Variants in PIEZO1 observed in about 807,000 individuals in gnomAD.
PIEZO1 encodes piezo-type mechanosensitive ion channel component 1.
A neutral mutation model predicts 297.2 loss-of-function variants in PIEZO1; 296 were observed. That is an observed-to-expected ratio of 1.00 (90% CI 0.91 to 1.10). The LOEUF is 1.10. Among genes scored for constraint, PIEZO1 ranks in the 50% least tolerant of loss-of-function variants. The pLI, the probability that PIEZO1 is intolerant of heterozygous loss-of-function variation, is 0.00. For synonymous variants in PIEZO1, 2,427 were observed against 1,507.5 expected, an observed-to-expected ratio of 1.61 and a Z score of -14.13; for missense variants, 5,018 against 3,455.5, an observed-to-expected ratio of 1.45 and a Z score of -11.34.
At chr16:88,725,705 G>A in intron 27 of PIEZO1, 21 bp from the exon 28 acceptor site, 1 of 1,328,350 alleles carries the variant, frequency 7.5e-7, no homozygotes, top group Non-Finnish European at 1.1e-6. Flanking sequence ...GCGGGGATGG[G>A]GTGTGAGCAC....
rs1905330481 is a variant in PIEZO1, at chr16:88,737,706, C to A, written c.1107+22G>T. 2.0e-6 allele frequency: 3 copies of A among 1,534,756 alleles called. No individual in the cohort carries two copies. In the East Asian group the frequency reaches 7.3e-5, roughly 38 times the overall value. On this transcript the variant is annotated intron_variant, in intron 9 of 50. Transcript: ENST00000301015. ...GGCCGGGCGCCCCCCACGCTGGCGT[C>A]TCCACCTGCCTGGCTGCTCACCTGG...
In PIEZO1 at chr16:88,723,082, C is replaced by CGGGCCCA; in HGVS notation, c.4495+6_4495+12dup. On this transcript the variant is annotated intron_variant, in intron 33 of 50. Transcript: ENST00000301015. ...AGAGAGACCTCCCACTCCCCAGCCCCGGGCCCACGTACCTGCCGCTGCCTC... is the reference window on the plus strand; with the variant it reads ...AGAGAGACCTCCCACTCCCCAGCCCCGGGCCCAGGGCCCACGTACCTGCCGCTGCCTC... 2 of 1,546,996 alleles carry CGGGCCCA rather than the reference C, an allele frequency of 1.3e-6. No homozygotes were observed. The highest frequency in any genetic ancestry group is 1.7e-6 in the Non-Finnish European group (2 of 1,146,450).
At position 88,784,901 on chromosome 16, in the gene PIEZO1, C is replaced by A. The variant is rs769822489; in HGVS notation, c.64G>T (p.Ala22Ser). Reference protein sequence around the residue: ...WLLLPCALLAACLLRFSGLSL... With the variant: ...WLLLPCALLASCLLRFSGLSL... ...CCCCAGGCGCCCGCCCCCCACTCAC[C>A]AGCCAGCAGCGCGCAGGGCAGCAGC... The change falls in exon 1 of 51, where the codon GCC (alanine) becomes TCC (serine). Residue 22 changes from alanine to serine, a missense_variant and splice_region_variant. Coordinates refer to ENST00000301015, the MANE Select transcript of PIEZO1 (RefSeq NM_001142864.4). The A allele has an allele frequency of 6.9e-7, 1 of 1,439,304 alleles. No homozygotes were observed. Among genetic ancestry groups the A allele is most frequent in the South Asian group, 1.3e-5 (1 of 77,296 alleles). 89.2% of individuals were successfully genotyped at this position (1,439,304 alleles called of 1,614,324 possible).
In PIEZO1 at chr16:88,732,320, A is replaced by G. The variant is rs1315869998; in HGVS notation, c.2991+15T>C. ...CCAAGCCCTGCCCCAGGGGGAGGCA[A>G]TGTCCTTGCCTCACCTCCAGCCCGA... is the stretch of plus-strand genomic sequence containing the variant. On this transcript the variant is annotated intron_variant, in intron 21 of 50. Transcript: ENST00000301015. 17 of 1,545,464 alleles carry G rather than the reference A, an allele frequency of 1.1e-5. No homozygotes were observed. Among genetic ancestry groups the G allele is most frequent in the Non-Finnish European group, 1.5e-5 (17 of 1,143,072 alleles).
chr16:88,784,134 G>C (rs1262832932), intron 1 of PIEZO1, among the ~76,000 whole-genome samples: 1 of 152,228 alleles, frequency 6.6e-6, no homozygotes, highest in Non-Finnish European at 1.5e-5. Context: ...TTCGCGAAAG[G>C]GGCACCACTG....
intron 1 of PIEZO1, among the ~76,000 whole-genome samples, chr16:88,754,658 C>G (rs1412082056): frequency 6.6e-6 from 1 of 152,224 alleles, no homozygotes; most frequent in Non-Finnish European, 1.5e-5. Context: ...ATACATGCTC[C>G]CTCCAGGAGC....
At chr16:88,733,171 C>T in intron 19 of PIEZO1, 107 bp downstream of exon 19, 1 of 1,063,000 alleles carries the variant, frequency 9.4e-7, no homozygotes, top group South Asian at 1.6e-5. Context: ...AGTCCTCCAT[C>T]TCCATTGCTG....
At chr16:88,762,633 C>A (rs1000982585) in intron 1 of PIEZO1, among the ~76,000 whole-genome samples, 9 of 152,180 alleles carry the variant, frequency 5.9e-5, no homozygotes, top group Non-Finnish European at 1.2e-4. Context: ...GAAGGGGCAG[C>A]CTCTCGGGTC....
Position 88,726,038 on chromosome 16 carries a change from TG to T in PIEZO1, c.3968+245del, listed in dbSNP as rs577770231. 160 of 569,976 alleles carry T rather than the reference TG, an allele frequency of 2.8e-4. 2 individuals are homozygous for T. The highest frequency in any genetic ancestry group is 1.8e-3 in the South Asian group (81 of 44,844). The allele number at this position is 569,976 out of a possible 1,614,324, so 35.3% of individuals were successfully genotyped here. ...CTTAGCCCTTAGTGGGAAAGTTGGC[TG>T]GGGGTGAGACACCAGCCACCGTCAG... On this transcript the variant is annotated intron_variant, in intron 27 of 50. Coordinates refer to ENST00000301015, the MANE Select transcript of PIEZO1 (RefSeq NM_001142864.4).
chr16:88,769,137 G>A (rs2911463), intron 1 of PIEZO1, among the ~76,000 whole-genome samples: 110,545 of 152,176 alleles, frequency 0.73, 40,651 homozygotes, highest in African/African-American at 0.83. Flanking sequence ...GCATAATGAG[G>A]TATCTTGGGG....
At chr16:88,784,355 G>A (rs1251206416) in intron 1 of PIEZO1, among the ~76,000 whole-genome samples, 1 of 152,246 alleles carries the variant, frequency 6.6e-6, no homozygotes, top group Non-Finnish European at 1.5e-5. Flanking sequence ...TCCGGCAGAG[G>A]GGGGTGCAGC....
intron 44 of PIEZO1, chr16:88,717,596 A>G (rs1261734163): frequency 4.3e-6 from 2 of 467,964 alleles, no homozygotes; most frequent in Non-Finnish European, 4.3e-6. Context: ...TTAGAAGAAA[A>G]CGGGCAAATC....
At chr16:88,771,423 C>T (rs1020805101) in intron 1 of PIEZO1, among the ~76,000 whole-genome samples, 2 of 152,228 alleles carry the variant, frequency 1.3e-5, no homozygotes, top group Non-Finnish European at 2.9e-5. Context: ...TCCCATCCCA[C>T]CGCCTCCCTT....
Position 88,716,750 on chromosome 16 carries a change from C to G in PIEZO1, c.6754-19G>C, listed in dbSNP as rs910609299. On this transcript the variant is annotated intron_variant, in intron 46 of 50. Transcript: ENST00000301015. The stretch of plus-strand genomic sequence containing the variant: ...TGGCCAGCTGGGTACAAGTGACACC[C>G]TCAGTGACTGCAGCCGCCTCCCCAC... The G allele has an allele frequency of 7.7e-6, 12 of 1,548,422 alleles. No individual in the cohort carries two copies. Among genetic ancestry groups the G allele is most frequent in the Non-Finnish European group, 1.0e-5 (12 of 1,146,876 alleles).
chr16:88,725,031 C>G lies in PIEZO1; in HGVS notation c.4212G>C (p.Arg1404=), dbSNP rs1010245603. 1.5e-5 allele frequency: 22 copies of G among 1,497,090 alleles called. No homozygotes were observed. In the African/African-American group the frequency reaches 2.6e-4, roughly 18 times the overall value. The allele number at this position is 1,497,090 out of a possible 1,614,324, so 92.7% of individuals were successfully genotyped here. The change falls in exon 30 of 51, where the codon CGG becomes CGC. Residue 1404 remains arginine, a synonymous_variant. Transcript: ENST00000301015. ...TACCTGTGGCGTGGTCCAGCCAGGG[C>G]CGCCACCACTGCCTCCGTGGCGGGG... The part of the protein sequence containing the change: ...GSSPPRRQWW[R]PWLDHATVIH...
Position 88,735,239 on chromosome 16 carries a change from T to C in PIEZO1, c.1565A>G (p.Tyr522Cys). ...CAGCAGGAGCCAGAAGGTCAGGGTG[T>C]AGAGCAACTGTGACAAGCGCAGGGT... ...PCLDLGAMLL[Y>C]TLTFWLLLRQ... Residue 522 changes from tyrosine (Y) to cysteine (C), a missense_variant, in exon 13 of 51, where the codon TAC becomes TGC. Tyr to Cys is a radical substitution (Grantham distance 194, BLOSUM62 -2). Coordinates refer to ENST00000301015, the MANE Select transcript of PIEZO1 (RefSeq NM_001142864.4). The C allele has an allele frequency of 6.5e-7, 1 of 1,549,364 alleles. No individual in the cohort carries two copies. The highest frequency in any genetic ancestry group is 1.2e-5 in the South Asian group (1 of 84,054).
At position 88,726,968 on chromosome 16, in the gene PIEZO1, C is replaced by G; in HGVS notation, c.3456-10G>C. On this transcript the variant is annotated splice_polypyrimidine_tract_variant and intron_variant, in intron 24 of 50. Coordinates refer to ENST00000301015, the MANE Select transcript of PIEZO1 (RefSeq NM_001142864.4). The stretch of plus-strand genomic sequence containing the variant: ...CATGTCAAGGTAGGACCTGCCAGGC[C>G]GGAGCGTCAGGGCGGGCGCCCCGGC... 6.5e-7 allele frequency: 1 copy of G among 1,550,142 alleles called. No individual in the cohort carries two copies.
Position 88,725,405 on chromosome 16 carries a change from G to A in PIEZO1, c.4162+11C>T, listed in dbSNP as rs1812148499. On this transcript the variant is annotated intron_variant, in intron 29 of 50. Transcript: ENST00000301015. Reference sequence around the variant, plus strand: ...ACGGGGCCCTGGGTGCCCGACTCCAGCTGCACTCACCTGGCTCCAGGCCGG... The same window carrying A: ...ACGGGGCCCTGGGTGCCCGACTCCAACTGCACTCACCTGGCTCCAGGCCGG... 1.4e-6 allele frequency: 2 copies of A among 1,423,892 alleles called. No homozygotes were observed. Among genetic ancestry groups the A allele is most frequent in the South Asian group, 1.5e-5 (1 of 68,314 alleles). The allele number at this position is 1,423,892 out of a possible 1,614,324, so 88.2% of individuals were successfully genotyped here.
At chr16:88,767,618 A>G (rs1003000533) in intron 1 of PIEZO1, among the ~76,000 whole-genome samples, 1 of 152,166 alleles carries the variant, frequency 6.6e-6, no homozygotes, top group African/African-American at 2.4e-5. Context: ...CCACATTTGC[A>G]GGGGGAGCCC....
Sources: allele counts gnomAD v4.1 joint callset (sites outside exome capture counted in the v4.1 genomes callset), GRCh38; gene constraint gnomAD v4.1.1; transcripts MANE v1.5; gene names NCBI Gene and HGNC (gene_info 2026-07-23, HGNC 2026-07-21).